The following PRR16 variants were observed in gnomAD, a reference collection of about 807,000 sequenced individuals.
PRR16 encodes proline rich 16, also known as protein Largen.
Under a neutral mutation model 18.2 loss-of-function variants are expected in PRR16, and 6 were observed. The ratio of observed to expected loss-of-function variants is 0.33; its 90% CI spans 0.18 to 0.65. PRR16 has a LOEUF of 0.65. PRR16 is among the 30% of genes least tolerant of loss of function. The pLI, the probability that PRR16 is intolerant of heterozygous loss-of-function variation, is 0.74. For synonymous variants in PRR16, 151 were observed against 147.8 expected (o/e 1.02, Z -0.16); for missense variants, 412 against 376.6 (o/e 1.09, Z -0.78).
At chr5:120,705,707 G>A in the PRR16 span, among the ~76,000 whole-genome samples, 2 of 152,044 alleles carry the variant, frequency 1.3e-5, no homozygotes, top group Non-Finnish European at 2.9e-5. Flanking sequence ...TGATCACTAT[G>A]TATATTTGAA....
the PRR16 span, among the ~76,000 whole-genome samples, chr5:120,700,076 C>T: frequency 4.1e-4 from 62 of 152,006 alleles, no homozygotes; most frequent in African/African-American, 6.5e-4. Flanking sequence ...ATGTTTGAGA[C>T]CTAGAACAGA....
chr5:120,755,390 C>T, the PRR16 span, among the ~76,000 whole-genome samples: 1 of 151,938 alleles, frequency 6.6e-6, no homozygotes, highest in Non-Finnish European at 1.5e-5. Context: ...TTTTTCATTC[C>T]TTCCTCCCAT....
the PRR16 span, among the ~76,000 whole-genome samples, chr5:120,751,540 G>T: frequency 6.6e-6 from 1 of 151,566 alleles, no homozygotes; most frequent in Non-Finnish European, 1.5e-5. Flanking sequence ...GTGATATTGG[G>T]CATTTTTTTT....
chr5:120,583,456 A>T (rs976983090), intron 1 of PRR16, among the ~76,000 whole-genome samples: 1 of 152,086 alleles, frequency 6.6e-6, no homozygotes, highest in African/African-American at 2.4e-5. Context: ...TTCTGAAGGT[A>T]ATTAATTAAA....
At chr5:120,612,466 T>G (rs1478261331) in intron 1 of PRR16, among the ~76,000 whole-genome samples, 1 of 152,238 alleles carries the variant, frequency 6.6e-6, no homozygotes. Context: ...CAGGGGAAGG[T>G]AATTGAATCA....
chr5:120,660,602 T>G (rs1756142394), intron 1 of PRR16, among the ~76,000 whole-genome samples: 1 of 152,056 alleles, frequency 6.6e-6, no homozygotes, highest in Non-Finnish European at 1.5e-5. Flanking sequence ...TGCCTAGGGC[T>G]TTTCTTTTCT....
At chr5:120,641,514 A>G (rs1171878664) in intron 1 of PRR16, among the ~76,000 whole-genome samples, 4 of 152,016 alleles carry the variant, frequency 2.6e-5, no homozygotes, top group African/African-American at 9.7e-5. Flanking sequence ...GGAAAACCCT[A>G]CTTCCAGGTT....
Position 120,686,382 on chromosome 5 carries a change from TC to T in PRR16, c.592del (p.Gln198ArgfsTer29), listed in dbSNP as rs768098144. The T allele has an allele frequency of 1.2e-6, 2 of 1,613,978 alleles. No individual in the cohort carries two copies. The highest frequency in any genetic ancestry group is 1.7e-6 in the Non-Finnish European group (2 of 1,179,982). ...LMHRPEKDRC[P>X]QAGPRERVRF... is the part of the protein sequence containing the mutation. ...TGCATAGACCTGAAAAAGACAGATGTCCCCAGGCAGGGCCTCGAGAACGAGT... is the reference window on the plus strand; with the variant it reads ...TGCATAGACCTGAAAAAGACAGATGTCCCAGGCAGGGCCTCGAGAACGAGT... On this transcript the variant is annotated frameshift_variant, in exon 2 of 2. Transcript: ENST00000407149. LOFTEE classifies it high-confidence loss of function.
At chr5:120,513,178 T>C (rs1188646325) in intron 1 of PRR16, among the ~76,000 whole-genome samples, 3 of 152,200 alleles carry the variant, frequency 2.0e-5, no homozygotes, top group Admixed American at 1.3e-4. Context: ...GCTGCATTCC[T>C]ATCTATGCCT....
intron 1 of PRR16, among the ~76,000 whole-genome samples, chr5:120,473,759 G>A (rs1749348711): frequency 6.6e-6 from 1 of 152,114 alleles, no homozygotes; most frequent in South Asian, 2.1e-4. Flanking sequence ...TAGTGGATGG[G>A]GAGGGTAGGG....
chr5:120,773,966 T>C, the PRR16 span, among the ~76,000 whole-genome samples: 1 of 152,140 alleles, frequency 6.6e-6, no homozygotes, highest in African/African-American at 2.4e-5. Flanking sequence ...ATTCCGTAGC[T>C]TGCAGATTAC....
intron 1 of PRR16, among the ~76,000 whole-genome samples, chr5:120,629,535 A>G (rs1580806882): frequency 6.6e-6 from 1 of 152,106 alleles, no homozygotes; most frequent in East Asian, 1.9e-4. Context: ...CCACCTTACC[A>G]TCTAATATTT....
At chr5:120,663,307 A>T in intron 1 of PRR16, among the ~76,000 whole-genome samples, 1 of 151,602 alleles carries the variant, frequency 6.6e-6, no homozygotes, top group East Asian at 1.9e-4. Context: ...GCTGTTTGTG[A>T]TTTTATTGGT....
chr5:120,765,657 A>G, the PRR16 span, among the ~76,000 whole-genome samples: 1 of 152,010 alleles, frequency 6.6e-6, no homozygotes, highest in African/African-American at 2.4e-5. Flanking sequence ...ATGTCCACCT[A>G]TCATCAGTTT....
At chr5:120,670,691 C>T (rs938365426) in intron 1 of PRR16, among the ~76,000 whole-genome samples, 1 of 152,128 alleles carries the variant, frequency 6.6e-6, no homozygotes, top group Admixed American at 6.6e-5. Flanking sequence ...CTTTATTAAA[C>T]CAAGGATAAT....
intron 1 of PRR16, among the ~76,000 whole-genome samples, chr5:120,528,131 G>A (rs191782719): frequency 1.3e-3 from 194 of 152,294 alleles, no homozygotes; most frequent in African/African-American, 4.3e-3. Context: ...ATCCTGGGAT[G>A]GATAGAGTGT....
intron 1 of PRR16, among the ~76,000 whole-genome samples, chr5:120,673,488 G>A (rs897779292): frequency 8.5e-5 from 13 of 152,070 alleles, no homozygotes; most frequent in East Asian, 3.8e-4. Flanking sequence ...TTAGTGTTTC[G>A]ATTAACATAA....
chr5:120,667,879 G>T (rs1275225156), intron 1 of PRR16, among the ~76,000 whole-genome samples: 1 of 152,072 alleles, frequency 6.6e-6, no homozygotes, highest in African/African-American at 2.4e-5. Context: ...TTCCAACTAT[G>T]TGTCAGTTTT....
the PRR16 span, among the ~76,000 whole-genome samples, chr5:120,735,672 G>GTTT: frequency 6.6e-6 from 1 of 151,582 alleles, no homozygotes; most frequent in African/African-American, 2.4e-5. Flanking sequence ...TTTTGTTGTT[G>GTTT]TTGTTGTTAT....
Sources: gnomAD v4.1 joint callset for allele counts (sites outside exome capture counted in the v4.1 genomes callset) on GRCh38, gnomAD v4.1.1 for gene constraint, MANE v1.5 for transcripts, NCBI Gene and HGNC (gene_info 2026-07-23, HGNC 2026-07-21) for gene names.